The following CLASP1 variants were observed in gnomAD, a reference collection of about 807,000 sequenced individuals.
CLASP1 encodes the protein CLIP-associating protein 1.
Under a neutral mutation model 192.3 loss-of-function variants are expected in CLASP1, and 38 were observed. That is an observed-to-expected ratio of 0.20 (90% CI 0.15 to 0.26). The LOEUF (loss-of-function observed/expected upper bound fraction) is 0.26. Ranked by LOEUF, CLASP1 falls within the 10% of genes least tolerant of loss-of-function variation. The pLI is 1.00. For synonymous variants in CLASP1, 691 were observed against 712.8 expected, an observed-to-expected ratio of 0.97 and a Z score of 0.49; for missense variants, 1,433 against 1,932.5, an observed-to-expected ratio of 0.74 and a Z score of 4.85.
chr2:121,574,667 G>A (rs565537909), intron 2 of CLASP1, among the ~76,000 whole-genome samples: 3 of 148,998 alleles, frequency 2.0e-5, no homozygotes, highest in Non-Finnish European at 3.0e-5. Context: ...AACCGGGTGC[G>A]GTGGCTCACG....
intron 37 of CLASP1, among the ~76,000 whole-genome samples, chr2:121,356,813 A>G (rs2065477357): frequency 1.3e-5 from 2 of 152,166 alleles, no homozygotes; most frequent in Non-Finnish European, 2.9e-5. Flanking sequence ...ATATCTTCAA[A>G]TGTGGTCAGG....
chr2:121,551,903 T>G (rs1000620078), intron 2 of CLASP1, among the ~76,000 whole-genome samples: 2 of 152,042 alleles, frequency 1.3e-5, no homozygotes, highest in Non-Finnish European at 2.9e-5. Context: ...GGCAATCCTA[T>G]GCAAAAAGAA....
intron 1 of CLASP1, among the ~76,000 whole-genome samples, chr2:121,623,615 T>C (rs1343343624): frequency 6.6e-6 from 1 of 152,134 alleles, no homozygotes; most frequent in Non-Finnish European, 1.5e-5. Flanking sequence ...TGTTGATTCT[T>C]CTTTAAATAT....
rs538459526 is a variant in CLASP1, at chr2:121,414,973, G to T, written c.2320+3649C>A. Among the ~76,000 whole-genome samples the T allele has an allele frequency of 3.0e-4, 45 of 152,116 alleles. 1 individual carries two copies. Among genetic ancestry groups the T allele is most frequent in the African/African-American group, 1.1e-3 (44 of 41,504 alleles). On this transcript the variant is annotated intron_variant, in intron 23 of 39. Coordinates refer to ENST00000263710, the Ensembl canonical transcript of CLASP1. ...CTTTGTTTTTTTTTGTAGAGACGAG[G>T]TCTCCCTATGTTGCCTGGCTGGTCT... is the stretch of plus-strand genomic sequence containing the variant.
chr2:121,524,741 G>A (rs2094534500), intron 6 of CLASP1, among the ~76,000 whole-genome samples: 1 of 152,184 alleles, frequency 6.6e-6, no homozygotes, highest in African/African-American at 2.4e-5. Flanking sequence ...ACTGGCATGA[G>A]CCACCACGTG....
At chr2:121,434,421 C>T (rs943801434) in intron 19 of CLASP1, among the ~76,000 whole-genome samples, 2 of 151,922 alleles carry the variant, frequency 1.3e-5, no homozygotes, top group Admixed American at 6.6e-5. Flanking sequence ...TATGTCACCA[C>T]GCCATATTAA....
chr2:121,364,116 C>T (rs1040046824), intron 36 of CLASP1: 10 of 152,024 alleles, frequency 6.6e-5, no homozygotes, highest in African/African-American at 2.4e-4. Context: ...TTACTTATTA[C>T]CATTCTTCTA....
rs988920552 is a variant in CLASP1, at chr2:121,360,363, G to A, written c.4206+2809C>T. Among the ~76,000 whole-genome samples, 3 of 152,140 alleles carry A rather than the reference G, an allele frequency of 2.0e-5. No homozygotes were observed. The East Asian group carries it at 5.8e-4, about 29-fold the overall frequency. ...ACTATGACTTTGTATGACTAATAAAGTAAGTCTAGAAACATTTCAGATCCT... is the reference window on the plus strand; with the variant it reads ...ACTATGACTTTGTATGACTAATAAAATAAGTCTAGAAACATTTCAGATCCT... On this transcript the variant is annotated intron_variant, in intron 37 of 39. Coordinates refer to ENST00000263710, the Ensembl canonical transcript of CLASP1.
intron 37 of CLASP1, among the ~76,000 whole-genome samples, chr2:121,360,765 A>G (rs1573772814): frequency 6.6e-6 from 1 of 152,234 alleles, no homozygotes. Context: ...CAAAGCAGGA[A>G]GGCCTGCCAA....
chr2:121,582,658 G>C (rs1430987927), intron 2 of CLASP1, among the ~76,000 whole-genome samples: 4 of 150,508 alleles, frequency 2.7e-5, no homozygotes, highest in Non-Finnish European at 4.4e-5. Flanking sequence ...GGAGAGAGAG[G>C]GAGAAAGTCT....
intron 7 of CLASP1, among the ~76,000 whole-genome samples, chr2:121,514,092 T>A (rs888108649): frequency 2.0e-5 from 3 of 152,200 alleles, no homozygotes; most frequent in African/African-American, 7.2e-5. Context: ...GCCAGCTGCA[T>A]TAACTCTTTC....
intron 30 of CLASP1, among the ~76,000 whole-genome samples, chr2:121,390,620 C>G (rs1276426506): frequency 1.3e-5 from 2 of 152,136 alleles, no homozygotes; most frequent in Non-Finnish European, 2.9e-5. Context: ...CCTAGCAGAT[C>G]AGATCAAAAC....
At chr2:121,596,161 C>G (rs1179785110) in intron 2 of CLASP1, among the ~76,000 whole-genome samples, 1 of 152,212 alleles carries the variant, frequency 6.6e-6, no homozygotes, top group Non-Finnish European at 1.5e-5. Context: ...TTTTTACCAA[C>G]AATCCATATA....
At chr2:121,470,648 A>C in intron 8 of CLASP1, 2 of 452,504 alleles carry the variant, frequency 4.4e-6, no homozygotes, top group South Asian at 3.2e-5. Flanking sequence ...ACTTTCCTAC[A>C]CTTTTTTTTG....
chr2:121,449,392 G>A (rs897121207), intron 16 of CLASP1, among the ~76,000 whole-genome samples: 1 of 152,114 alleles, frequency 6.6e-6, no homozygotes. Flanking sequence ...TGCAAAACTG[G>A]GGAATCTTAG....
At chr2:121,392,902 C>T (rs1559011748) in intron 30 of CLASP1, among the ~76,000 whole-genome samples, 1 of 152,168 alleles carries the variant, frequency 6.6e-6, no homozygotes, top group Non-Finnish European at 1.5e-5. Context: ...AAACCAGTCT[C>T]AGTGTGGTAA....
intron 2 of CLASP1, among the ~76,000 whole-genome samples, chr2:121,576,153 T>C (rs565703448): frequency 6.6e-6 from 1 of 152,328 alleles, no homozygotes; most frequent in African/African-American, 2.4e-5. Flanking sequence ...GAGTAACAAC[T>C]ATGTGCCCAG....
At chr2:121,554,280 G>C (rs965390431) in intron 2 of CLASP1, among the ~76,000 whole-genome samples, 2 of 152,066 alleles carry the variant, frequency 1.3e-5, no homozygotes, top group East Asian at 3.9e-4. Context: ...CACATGCTAT[G>C]ACATAGATGA....
chr2:121,567,338 A>G (rs1282437957), intron 2 of CLASP1, among the ~76,000 whole-genome samples: 7 of 152,198 alleles, frequency 4.6e-5, no homozygotes, highest in African/African-American at 7.2e-5. Context: ...GGGGAAGGAG[A>G]GTACCCCAGA....
Sources: allele counts gnomAD v4.1 joint callset (sites outside exome capture counted in the v4.1 genomes callset), GRCh38; gene constraint gnomAD v4.1.1; transcripts MANE v1.5; gene names NCBI Gene and HGNC (gene_info 2026-07-23, HGNC 2026-07-21).